The following RYR1 variants were observed in gnomAD, a reference collection of about 807,000 sequenced individuals.
The protein encoded by RYR1 is central core disease of muscle.
RYR1 carries 342 observed loss-of-function variants against 583.5 expected under a neutral mutation model. The ratio of observed to expected loss-of-function variants is 0.59; its 90% CI spans 0.54 to 0.64. The LOEUF (loss-of-function observed/expected upper bound fraction) is 0.64, where lower values mean the gene tolerates loss of function less well. RYR1 is among the 30% of genes least tolerant of loss of function. RYR1 has a pLI of 0.00. For synonymous variants in RYR1, 2,791 were observed against 2,822.5 expected (o/e 0.99, Z 0.35); for missense variants, 6,032 against 6,917.2 (o/e 0.87, Z 4.54).
intron 78 of RYR1, among the ~76,000 whole-genome samples, chr19:38,532,948 G>T (rs1445856500): frequency 6.6e-6 from 1 of 151,680 alleles, no homozygotes; most frequent in African/African-American, 2.4e-5. Context: ...GGTCAGGGCT[G>T]GAATTGGGGA....
intron 78 of RYR1, 22 bp from the exon 79 acceptor site, chr19:38,534,698 A>T: frequency 1.2e-6 from 2 of 1,608,028 alleles, no homozygotes; most frequent in Non-Finnish European, 1.7e-6. Context: ...ACTTGCCTTC[A>T]TGTGTCTGCC....
In RYR1 at chr19:38,566,893, T is replaced by C. The variant is rs1555800500; in HGVS notation, c.13438-18T>C. ...GCTTAGGGTGAGGACTCAGCCCTGA[T>C]GCTTGCCCTGTCCCTAGGTGGATGG... On this transcript the variant is annotated intron_variant, in intron 91 of 105. Coordinates refer to ENST00000359596, the MANE Select transcript of RYR1 (RefSeq NM_000540.3). The C allele has an allele frequency of 1.3e-6, 2 of 1,598,080 alleles. No homozygotes were observed. The highest frequency in any genetic ancestry group is 2.7e-5 in the African/African-American group (2 of 74,742).
chr19:38,517,782 C>G (rs910566520), intron 66 of RYR1, 91 bp downstream of exon 66: 10 of 1,302,346 alleles, frequency 7.7e-6, no homozygotes, highest in Non-Finnish European at 1.1e-5. Flanking sequence ...ATGGTCCCCT[C>G]GGAGTTGGGA....
chr19:38,494,425 G>A lies in RYR1; in HGVS notation c.6348G>A (p.Leu2116=). 1.2e-6 allele frequency: 2 copies of A among 1,612,254 alleles called. No homozygotes were observed. Among genetic ancestry groups the A allele is most frequent in the African/African-American group, 2.7e-5 (2 of 75,000 alleles). ...AGGACTTCGTGCAGAGCCCCGAGCTGGTGCGGGCCATGTTCAGCCTCCTGC... is the reference window on the plus strand; with the variant it reads ...AGGACTTCGTGCAGAGCCCCGAGCTAGTGCGGGCCATGTTCAGCCTCCTGC... ...AQEDFVQSPE[L]VRAMFSLLHR... The change falls in exon 39 of 106, where the codon CTG becomes CTA. Residue 2116 remains leucine (L), a synonymous_variant. Coordinates refer to ENST00000359596, the MANE Select transcript of RYR1 (RefSeq NM_000540.3).
chr19:38,471,005 TACAC>T (rs1426840319), intron 27 of RYR1, among the ~76,000 whole-genome samples: 2 of 152,216 alleles, frequency 1.3e-5, no homozygotes, highest in Admixed American at 1.3e-4. Flanking sequence ...TACCTGGAAA[TACAC>T]ACAGCCATGT....
intron 105 of RYR1, among the ~76,000 whole-genome samples, chr19:38,586,831 C>T (rs375709403): frequency 5.9e-5 from 9 of 152,182 alleles, no homozygotes; most frequent in East Asian, 1.9e-4. Context: ...ATTAGCAGGG[C>T]GTGGTTGTGC....
chr19:38,510,390 C>A, intron 58 of RYR1, 108 bp from the exon 59 acceptor site: 1 of 1,078,770 alleles, frequency 9.3e-7, no homozygotes, highest in Non-Finnish European at 1.4e-6. Context: ...CATACCAATA[C>A]TTTATCCCCC....
intron 76 of RYR1, among the ~76,000 whole-genome samples, chr19:38,529,922 T>C (rs1971656025): frequency 6.6e-6 from 1 of 152,170 alleles, no homozygotes; most frequent in Admixed American, 6.6e-5. Flanking sequence ...TTATTGCATC[T>C]CCTTTGTGTG....
chr19:38,554,737 C>T (rs890633535), intron 89 of RYR1, among the ~76,000 whole-genome samples: 8 of 151,958 alleles, frequency 5.3e-5, no homozygotes, highest in South Asian at 2.1e-4. Context: ...CCTCCCAAAG[C>T]GCTGGGATTA....
intron 49 of RYR1, 42 bp from the exon 50 acceptor site, chr19:38,504,178 G>A (rs1177064304): frequency 1.3e-6 from 2 of 1,583,656 alleles, no homozygotes; most frequent in African/African-American, 1.3e-5. Flanking sequence ...CCATTCGCTG[G>A]TGCCCCCCTC....
chr19:38,531,680 G>A (rs879786070), intron 76 of RYR1, among the ~76,000 whole-genome samples: 6 of 152,092 alleles, frequency 3.9e-5, no homozygotes, highest in Non-Finnish European at 5.9e-5. Flanking sequence ...TGTAATTCCA[G>A]TACTTTGGGA....
At position 38,451,916 on chromosome 19, in the gene RYR1, C is replaced by T. The variant is rs761232674; in HGVS notation, c.1244+31C>T. The T allele has an allele frequency of 7.4e-6, 12 of 1,613,922 alleles. No individual in the cohort carries two copies. The South Asian group carries it at 1.3e-4, about 18-fold the overall frequency. On this transcript the variant is annotated intron_variant, in intron 12 of 105. Transcript: ENST00000359596. ...CAACCTGCCCTCCCTGCTGGGGTGA[C>T]TCCTGTGCTGTCCCATGCTCCGGGC...
Position 38,499,814 on chromosome 19 carries a change from C to T in RYR1, c.7207C>T (p.Arg2403Cys), listed in dbSNP as rs1241302558. Residue 2403 changes from arginine (R) to cysteine (C), a missense_variant, in exon 44 of 106, where the codon CGC (arginine) becomes TGC (cysteine). By Grantham distance (180) the Arg-to-Cys change is radical. Coordinates refer to ENST00000359596, the MANE Select transcript of RYR1 (RefSeq NM_000540.3). This position sits in a 1 kb window ranked among gnomAD's most constrained non-coding sequence, Gnocchi z 7.3. ...CCCAGGCATCCGCAGGGACCGGCGG[C>T]GCGAGCAGTGAGTCTCCCGGCCCCC... ...DGPGIRRDRR[R>C]EHFGEEPPEE... 3.1e-6 allele frequency: 5 copies of T among 1,605,726 alleles called. 1 individual carries two copies. Among genetic ancestry groups the T allele is most frequent in the South Asian group, 2.2e-5 (2 of 90,770 alleles).
intron 87 of RYR1, among the ~76,000 whole-genome samples, chr19:38,545,226 G>T (rs77133616): frequency 6.6e-6 from 1 of 152,150 alleles, no homozygotes; most frequent in African/African-American, 2.4e-5. Context: ...TTAGCCCCAT[G>T]TGCTCTGACT....
intron 50 of RYR1, among the ~76,000 whole-genome samples, 179 bp from the exon 51 acceptor site, chr19:38,504,569 A>G (rs931501056): frequency 2.6e-5 from 4 of 152,016 alleles, no homozygotes; most frequent in African/African-American, 9.7e-5. Flanking sequence ...GGAGAGGGCA[A>G]TATGGGGATG....
chr19:38,530,517 C>T lies in RYR1; in HGVS notation c.11141+1460C>T, dbSNP rs556548770. On this transcript the variant is annotated intron_variant, in intron 76 of 105. Coordinates refer to ENST00000359596, the MANE Select transcript of RYR1 (RefSeq NM_000540.3). ...ACTCCTGAACTCAAGCAATCCTCCC[C>T]ACTCAGCCTCCCAAAGTGTTGGGAT... 7.9e-5 allele frequency among the ~76,000 whole-genome samples: 12 copies of T among 151,680 alleles called. No homozygotes were observed. In the South Asian group the frequency reaches 2.3e-3, roughly 29 times the overall value.
chr19:38,582,909 G>T (rs967123131), intron 101 of RYR1, among the ~76,000 whole-genome samples: 4 of 152,114 alleles, frequency 2.6e-5, no homozygotes, highest in Admixed American at 2.6e-4. Context: ...TCCAGACACG[G>T]CCTCGCTGCC....
rs765356654 is a variant in RYR1, at chr19:38,532,753, G to A, written c.11259+17G>A. On this transcript the variant is annotated intron_variant, in intron 78 of 105. Transcript: ENST00000359596. ...TCCTTTGAGGTAGGTGGGCTCAGGA[G>A]GTCCTGGAGGGAAGGGATGGGGGAC... The A allele has an allele frequency of 1.7e-5, 27 of 1,613,218 alleles. No homozygotes were observed. Among genetic ancestry groups the A allele is most frequent in the Middle Eastern group, 3.4e-4 (2 of 5,926 alleles).
chr19:38,566,269 T>C (rs1485466677), intron 91 of RYR1, among the ~76,000 whole-genome samples: 1 of 150,908 alleles, frequency 6.6e-6, no homozygotes, highest in East Asian at 2.0e-4. Context: ...GCCACCGTGG[T>C]GGAACCCCGT....
Sources: gnomAD v4.1 joint callset for allele counts (sites outside exome capture counted in the v4.1 genomes callset) on GRCh38, gnomAD v4.1.1 for gene constraint, Gnocchi (gnomAD v3.1) non-coding constraint, MANE v1.5 for transcripts, NCBI Gene and HGNC (gene_info 2026-07-23, HGNC 2026-07-21) for gene names.